The following AHDC1 variants were observed in gnomAD, a reference collection of about 807,000 sequenced individuals.
AHDC1 encodes AT-hook DNA binding motif containing 1, also known as transcription factor Gibbin.
In AHDC1, 7 loss-of-function variants were observed where a neutral mutation model predicts 87.9. The ratio of observed to expected loss-of-function variants is 0.08; its 90% CI spans 0.05 to 0.15. The LOEUF (loss-of-function observed/expected upper bound fraction) is 0.15. Ranked by LOEUF, AHDC1 falls within the 10% of genes least tolerant of loss-of-function variation. AHDC1 has a pLI of 1.00. For synonymous variants in AHDC1, 1,051 were observed against 1,006.8 expected, an observed-to-expected ratio of 1.04 and a Z score of -0.83; for missense variants, 1,841 against 2,253.2, an observed-to-expected ratio of 0.82 and a Z score of 3.70.
At chr1:27,577,429 T>G (rs184723120) in intron 3 of AHDC1, among the ~76,000 whole-genome samples, 2 of 152,208 alleles carry the variant, frequency 1.3e-5, no homozygotes, top group East Asian at 3.9e-4. Flanking sequence ...TGCTCCCAAG[T>G]GTCAGTCCCA....
chr1:27,573,745 C>T (rs2088618070), intron 3 of AHDC1, among the ~76,000 whole-genome samples: 1 of 152,194 alleles, frequency 6.6e-6, no homozygotes, highest in African/African-American at 2.4e-5. Flanking sequence ...CCAGGGCATC[C>T]CTGCCTTTTA....
chr1:27,560,595 G>T lies in AHDC1; in HGVS notation c.-628-1712C>A, dbSNP rs376649660. ...TGTGACTGGCCACAGTGTCCCTGTG[G>T]GTCTCTTTCACCATGGGTCAGTATG... On this transcript the variant is annotated intron_variant, in intron 3 of 8. Coordinates refer to ENST00000673934, the MANE Select transcript of AHDC1 (RefSeq NM_001371928.1). This position sits in a 1 kb window ranked among gnomAD's most constrained non-coding sequence, Gnocchi z 4.1. 2.4e-4 allele frequency among the ~76,000 whole-genome samples: 36 copies of T among 152,024 alleles called. No individual in the cohort carries two copies. The highest frequency in any genetic ancestry group is 8.0e-4 in the African/African-American group (33 of 41,372).
At chr1:27,577,035 T>C (rs1381677094) in intron 3 of AHDC1, among the ~76,000 whole-genome samples, 1 of 152,124 alleles carries the variant, frequency 6.6e-6, no homozygotes, top group Non-Finnish European at 1.5e-5. Flanking sequence ...ACAGCGCCCC[T>C]GTCACAAAGC....
chr1:27,575,868 G>A (rs1252794082), intron 3 of AHDC1, among the ~76,000 whole-genome samples: 1 of 149,928 alleles, frequency 6.7e-6, no homozygotes, highest in Non-Finnish European at 1.5e-5. Context: ...CCGCCAGGCC[G>A]GGCCCTCTGC....
In AHDC1 at chr1:27,590,938, G is replaced by A. The variant is rs549026418; in HGVS notation, c.-629+12459C>T. ...CAGTTGGAGAGCAGGTTTGCTAAGA[G>A]ACTAAGGTTGAGGAGGAGAAACGAG... is the stretch of plus-strand genomic sequence containing the variant. On this transcript the variant is annotated intron_variant, in intron 3 of 8. Coordinates refer to ENST00000673934, the MANE Select transcript of AHDC1 (RefSeq NM_001371928.1). The surrounding 1 kb of genome is among the most constrained non-coding windows in gnomAD (Gnocchi z 5.4). 9.2e-5 allele frequency among the ~76,000 whole-genome samples: 14 copies of A among 152,182 alleles called. No individual in the cohort carries two copies. Among genetic ancestry groups the A allele is most frequent in the Non-Finnish European group, 1.8e-4 (12 of 68,016 alleles).
chr1:27,554,524 C>A (rs965033356), intron 5 of AHDC1, among the ~76,000 whole-genome samples: 1 of 152,236 alleles, frequency 6.6e-6, no homozygotes, highest in Middle Eastern at 3.4e-3. Flanking sequence ...CTGGTCAGGG[C>A]AGAGCTGGGA....
intron 3 of AHDC1, among the ~76,000 whole-genome samples, chr1:27,584,779 G>C (rs1037733577): frequency 6.6e-6 from 1 of 152,076 alleles, no homozygotes; most frequent in Non-Finnish European, 1.5e-5. Context: ...GTGTTGGGAA[G>C]GGCAGGGCTA....
chr1:27,573,596 G>A (rs1378143424), intron 3 of AHDC1, among the ~76,000 whole-genome samples: 1 of 152,154 alleles, frequency 6.6e-6, no homozygotes, highest in Non-Finnish European at 1.5e-5. Context: ...TCCAGGCTTT[G>A]CCAAAAAGAG....
chr1:27,539,946 C>T (rs2018830486), intron 8 of AHDC1, among the ~76,000 whole-genome samples: 1 of 152,034 alleles, frequency 6.6e-6, no homozygotes. Flanking sequence ...TGGGAGGAGG[C>T]TAGCCTCACC....
At chr1:27,576,771 C>G (rs1054515290) in intron 3 of AHDC1, among the ~76,000 whole-genome samples, 50 of 151,848 alleles carry the variant, frequency 3.3e-4, no homozygotes, top group African/African-American at 1.1e-3. Context: ...TGGGGCCATT[C>G]CCACCTCCAT....
rs2019431354 is a variant in AHDC1, at chr1:27,549,903, G to T, written c.2213C>A (p.Pro738Gln). 2 of 1,613,638 alleles carry T rather than the reference G, an allele frequency of 1.2e-6. No homozygotes were observed. ...RGEVDAVTGK[P>Q]KRKRRSRKNG... Reference sequence around the variant, plus strand: ...CTTCCGGGACCGTCTCTTGCGCTTTGGCTTCCCAGTCACAGCGTCTACCTC... The same window carrying T: ...CTTCCGGGACCGTCTCTTGCGCTTTTGCTTCCCAGTCACAGCGTCTACCTC... Residue 738 changes from proline (P) to glutamine (Q), a missense_variant, in exon 8 of 9, where the codon CCA (proline) becomes CAA (glutamine). Coordinates refer to ENST00000673934, the MANE Select transcript of AHDC1 (RefSeq NM_001371928.1).
chr1:27,550,419 A>G lies in AHDC1; in HGVS notation c.1697T>C (p.Val566Ala). Reference sequence around the variant, plus strand: ...CACAGTGGCTGCCTCGGCCGCCACCACAGCTGGCTCCTTGGGCTTGCCGGG... The same window carrying G: ...CACAGTGGCTGCCTCGGCCGCCACCGCAGCTGGCTCCTTGGGCTTGCCGGG... ...LGPGKPKEPA[V>A]VAAEAATVAA... The change falls in exon 8 of 9, where the codon GTG becomes GCG. Residue 566 changes from valine to alanine, a missense_variant. Physicochemically the swap from Val to Ala is moderately conservative, Grantham distance 64. This residue lies in a region of AHDC1 where 84 missense variants were observed against 111.7 expected (regional missense o/e 0.75). Coordinates refer to ENST00000673934, the MANE Select transcript of AHDC1 (RefSeq NM_001371928.1). The G allele has an allele frequency of 6.2e-7, 1 of 1,611,188 alleles. No individual in the cohort carries two copies. The highest frequency in any genetic ancestry group is 8.5e-7 in the Non-Finnish European group (1 of 1,178,050).
At chr1:27,552,216 C>G (rs1008720900) in intron 7 of AHDC1, 27 bp from the exon 8 acceptor site, 19 of 1,416,390 alleles carry the variant, frequency 1.3e-5, no homozygotes, top group Non-Finnish European at 1.7e-5. Flanking sequence ...GCAGGAGGTC[C>G]CTTACTGAAC....
In AHDC1 at chr1:27,567,551, C is replaced by T. The variant is rs867499525; in HGVS notation, c.-628-8668G>A. Among the ~76,000 whole-genome samples the T allele has an allele frequency of 2.8e-4, 42 of 152,186 alleles. No individual in the cohort carries two copies. In the Middle Eastern group the frequency reaches 9.5e-3, roughly 34 times the overall value. On this transcript the variant is annotated intron_variant, in intron 3 of 8. Transcript: ENST00000673934. Reference sequence around the variant, plus strand: ...TCCCTGGGGCCTCCCAGCATTCCACCAGGCCAGGCTATTGGTGGGGGCAGT... The same window carrying T: ...TCCCTGGGGCCTCCCAGCATTCCACTAGGCCAGGCTATTGGTGGGGGCAGT...
chr1:27,579,740 C>T (rs1316232217), intron 3 of AHDC1, among the ~76,000 whole-genome samples: 1 of 152,230 alleles, frequency 6.6e-6, no homozygotes, highest in Admixed American at 6.5e-5. Context: ...CGCTTATGCA[C>T]TGTCTATGAC....
rs1379384321 is a variant in AHDC1 at position 27,552,879 on chromosome 1, C to A, written c.-75+13G>T. ...TACCCCGAAAGGGCTCCAGGAGAAC[C>A]CCCACCACTCACCCTCGGCTCTGCC... On this transcript the variant is annotated intron_variant, in intron 7 of 8. Transcript: ENST00000673934. The A allele has an allele frequency of 1.3e-5, 2 of 152,848 alleles. No individual in the cohort carries two copies. Among genetic ancestry groups the A allele is most frequent in the East Asian group, 3.9e-4 (2 of 5,188 alleles). 9.5% of individuals were successfully genotyped at this position (152,848 alleles called of 1,614,324 possible).
At chr1:27,545,976 G>C (rs1448895294) in intron 8 of AHDC1, among the ~76,000 whole-genome samples, 1 of 152,146 alleles carries the variant, frequency 6.6e-6, no homozygotes, top group East Asian at 1.9e-4. Flanking sequence ...AGGGGAGCTG[G>C]GGTCTGGCAG....
chr1:27,551,059 G>T lies in AHDC1; in HGVS notation c.1057C>A (p.Pro353Thr). 6.4e-7 allele frequency: 1 copy of T among 1,558,928 alleles called. No individual in the cohort carries two copies. Among genetic ancestry groups the T allele is most frequent in the Non-Finnish European group, 8.7e-7 (1 of 1,154,192 alleles). The change falls in exon 8 of 9, where the codon CCC (proline) becomes ACC (threonine). Residue 353 changes from proline to threonine, a missense_variant. This residue lies in a region of AHDC1 where 370 missense variants were observed against 391.5 expected (regional missense o/e 0.95). Coordinates refer to ENST00000673934, the MANE Select transcript of AHDC1 (RefSeq NM_001371928.1). ...TCGGCCAGTGGGCAGTGCCCCAGGG[G>T]CTGCTGGGGCTCCAGACGGCGACCT... ...VPGRRLEPQQ[P>T]LGHCPLAEPL...
In AHDC1 at chr1:27,549,173, G is replaced by A. The variant is rs555542437; in HGVS notation, c.2943C>T (p.Phe981=). The A allele has an allele frequency of 1.8e-4, 285 of 1,578,096 alleles. 4 individuals are homozygous for A. The South Asian group carries it at 2.6e-3, about 14-fold the overall frequency. ...GGCCTGTAAAGGGCTTAGTTGGGGC[G>A]AATACGCTTTGTCCGGCCCCATAGC... ...YGGYGAGQSV[F]APTKPFTGQD... is the part of the protein sequence containing the mutation. Residue 981 remains phenylalanine, a synonymous_variant, in exon 8 of 9, where the codon TTC becomes TTT. Coordinates refer to ENST00000673934, the MANE Select transcript of AHDC1 (RefSeq NM_001371928.1).
Sources: allele counts gnomAD v4.1 joint callset (sites outside exome capture counted in the v4.1 genomes callset), GRCh38; gene constraint gnomAD v4.1.1; regional missense constraint gnomAD v4.1.1; non-coding constraint Gnocchi (gnomAD v3.1); transcripts MANE v1.5; gene names NCBI Gene and HGNC (gene_info 2026-07-23, HGNC 2026-07-21).